The following CCSER2 variants were observed in gnomAD, a reference collection of about 807,000 sequenced individuals.
The protein encoded by CCSER2 is coiled-coil serine rich protein 2.
Under a neutral mutation model 92.3 loss-of-function variants are expected in CCSER2, and 46 were observed. That is an observed-to-expected ratio of 0.50 (90% CI 0.39 to 0.64). The LOEUF (loss-of-function observed/expected upper bound fraction) is 0.64, where lower values mean the gene tolerates loss of function less well. Ranked by LOEUF, CCSER2 falls within the 30% of genes least tolerant of loss-of-function variation. The pLI is 0.00. For missense variants in CCSER2, 1,244 were observed against 1,238.9 expected, an observed-to-expected ratio of 1.00 and a Z score of -0.06; for synonymous variants, 433 against 431.4, an observed-to-expected ratio of 1.00 and a Z score of -0.04.
chr10:84,390,261 T>C (rs1410176704), intron 3 of CCSER2, among the ~76,000 whole-genome samples: 1 of 152,190 alleles, frequency 6.6e-6, no homozygotes, highest in African/African-American at 2.4e-5. Context: ...CTGACTTCCA[T>C]TATTATCCTT....
At chr10:84,493,265 T>C (rs1848268347) in intron 9 of CCSER2, among the ~76,000 whole-genome samples, 1 of 152,220 alleles carries the variant, frequency 6.6e-6, no homozygotes, top group Admixed American at 6.5e-5. Flanking sequence ...ATAATATTCC[T>C]TTATTACCTT....
chr10:84,349,844 A>C (rs2133063038), intron 1 of CCSER2, among the ~76,000 whole-genome samples: 1 of 152,142 alleles, frequency 6.6e-6, no homozygotes, highest in Middle Eastern at 3.4e-3. Flanking sequence ...AACAGCCAGA[A>C]TGATCTTTTA....
chr10:84,508,228 G>T (rs1383254487), intron 9 of CCSER2, among the ~76,000 whole-genome samples: 1 of 152,086 alleles, frequency 6.6e-6, no homozygotes. Context: ...TCACCTAGGG[G>T]TCTCATGGTA....
At chr10:84,487,004 C>G (rs1003171658) in intron 9 of CCSER2, among the ~76,000 whole-genome samples, 1 of 152,160 alleles carries the variant, frequency 6.6e-6, no homozygotes. Context: ...ATAGGGAATC[C>G]TTTCCCCATT....
At position 84,371,567 on chromosome 10, in the gene CCSER2, A is replaced by G; in HGVS notation, c.515A>G (p.Gln172Arg). 1.9e-6 allele frequency: 3 copies of G among 1,613,716 alleles called. No homozygotes were observed. The highest frequency in any genetic ancestry group is 2.5e-6 in the Non-Finnish European group (3 of 1,179,794). Residue 172 changes from glutamine (Q) to arginine (R), a missense_variant, in exon 2 of 10, where the codon CAG (glutamine) becomes CGG (arginine). Transcript: ENST00000372088. ...SYSSINTPKS[Q>R]LNGFYGNRSA... ...TCTTCGATCAATACTCCAAAATCAC[A>G]GTTGAATGGATTTTATGGAAACCGA...
At chr10:84,390,091 C>T (rs1841441345) in intron 3 of CCSER2, among the ~76,000 whole-genome samples, 1 of 152,084 alleles carries the variant, frequency 6.6e-6, no homozygotes, top group Admixed American at 6.6e-5. Flanking sequence ...TACATATATA[C>T]TTCCACACAC....
chr10:84,337,009 G>A (rs1843874614), intron 1 of CCSER2, among the ~76,000 whole-genome samples: 1 of 152,194 alleles, frequency 6.6e-6, no homozygotes, highest in South Asian at 2.1e-4. Context: ...CGCAGAAGAA[G>A]CAGGGTTTTA....
At chr10:84,447,974 C>G (rs1177508403) in intron 6 of CCSER2, among the ~76,000 whole-genome samples, 1 of 152,016 alleles carries the variant, frequency 6.6e-6, no homozygotes, top group African/African-American at 2.4e-5. Flanking sequence ...TGTTATCCTG[C>G]TAAGATTCTG....
intron 9 of CCSER2, among the ~76,000 whole-genome samples, chr10:84,506,737 T>G (rs1156835278): frequency 6.6e-6 from 1 of 151,972 alleles, no homozygotes; most frequent in Non-Finnish European, 1.5e-5. Flanking sequence ...GGAGGCTGCA[T>G]TGAGCCAAGA....
intron 1 of CCSER2, among the ~76,000 whole-genome samples, chr10:84,358,687 C>CATAT (rs1321972027): frequency 6.8e-6 from 1 of 147,742 alleles, no homozygotes; most frequent in African/African-American, 2.5e-5. Flanking sequence ...TATATATATA[C>CATAT]ACACACACAC....
At chr10:84,482,891 A>G (rs954175079) in intron 9 of CCSER2, among the ~76,000 whole-genome samples, 1 of 152,192 alleles carries the variant, frequency 6.6e-6, no homozygotes, top group African/African-American at 2.4e-5. Context: ...GAATGGGCAC[A>G]ATTCGATCTA....
intron 9 of CCSER2, among the ~76,000 whole-genome samples, chr10:84,483,943 C>T (rs1404540798): frequency 7.6e-6 from 1 of 132,244 alleles, no homozygotes; most frequent in Non-Finnish European, 1.6e-5. Context: ...TCCCACCACA[C>T]CCGGCTAATT....
At chr10:84,413,831 G>C (rs1842767770) in intron 3 of CCSER2, among the ~76,000 whole-genome samples, 1 of 152,110 alleles carries the variant, frequency 6.6e-6, no homozygotes, top group African/African-American at 2.4e-5. Context: ...GTACTTCTAT[G>C]TTGGCTGCAT....
chr10:84,512,405 A>AGAGAGGGGGAGGAGAGAGAGAG (rs1554872159), intron 9 of CCSER2, among the ~76,000 whole-genome samples: 2 of 140,624 alleles, frequency 1.4e-5, no homozygotes, highest in East Asian at 4.1e-4. Flanking sequence ...TGAGAGAGAG[A>AGAGAGGGGGAGGAGAGAGAGAG]GAGAGAGAGA....
intron 9 of CCSER2, among the ~76,000 whole-genome samples, chr10:84,486,013 G>C (rs1379282340): frequency 7.2e-5 from 11 of 152,000 alleles, no homozygotes; most frequent in Non-Finnish European, 1.5e-4. Flanking sequence ...TTGTTCTTGC[G>C]ATAGTTTGCT....
intron 9 of CCSER2, chr10:84,507,215 C>G (rs1282432761): frequency 3.4e-6 from 2 of 581,042 alleles, no homozygotes; most frequent in Non-Finnish European, 4.3e-6. Context: ...TCATGGCAAT[C>G]CTTGGTGTTG....
chr10:84,517,723 A>G lies in CCSER2; in HGVS notation c.*3456A>G, dbSNP rs1002474282. ...TTTCTTTGAATGTTCCATTGTTCCG[A>G]TAAGTATTTTACTTTTTTCTCAGTA... On this transcript the variant is annotated 3_prime_UTR_variant, in exon 10 of 10. Coordinates refer to ENST00000372088, the MANE Select transcript of CCSER2 (RefSeq NM_001284240.2). 1.3e-5 allele frequency: 2 copies of G among 152,608 alleles called. No individual in the cohort carries two copies. The highest frequency in any genetic ancestry group is 1.5e-5 in the Non-Finnish European group (1 of 68,044). The allele number at this position is 152,608 out of a possible 1,614,324, so 9.5% of individuals were successfully genotyped here.
intron 8 of CCSER2, among the ~76,000 whole-genome samples, chr10:84,472,438 G>A (rs1312725206): frequency 6.6e-6 from 1 of 152,036 alleles, no homozygotes; most frequent in African/African-American, 2.4e-5. Context: ...GGTTGTGGTG[G>A]TTCACGCCTG....
chr10:84,414,773 C>T (rs1370366377), intron 3 of CCSER2, among the ~76,000 whole-genome samples: 1 of 152,150 alleles, frequency 6.6e-6, no homozygotes, highest in African/African-American at 2.4e-5. Context: ...CCATCTCTTT[C>T]GGGTATCCCA....
Sources: allele counts gnomAD v4.1 joint callset (sites outside exome capture counted in the v4.1 genomes callset), GRCh38; gene constraint gnomAD v4.1.1; transcripts MANE v1.5; gene names NCBI Gene and HGNC (gene_info 2026-07-23, HGNC 2026-07-21).